CHD2: variants seen among roughly 807,000 people sequenced by gnomAD.
The protein encoded by CHD2 is chromodomain helicase DNA binding protein 2.
CHD2 carries 28 observed loss-of-function variants against 243.9 expected under a neutral mutation model. That is an observed-to-expected ratio of 0.11 (90% CI 0.09 to 0.16). The LOEUF (loss-of-function observed/expected upper bound fraction) is 0.16, where lower values mean the gene tolerates loss of function less well. Among genes scored for constraint, CHD2 ranks in the 10% least tolerant of loss-of-function variants. CHD2 has a pLI of 1.00. For synonymous variants in CHD2, 775 were observed against 779.0 expected, an observed-to-expected ratio of 0.99 and a Z score of 0.09; for missense variants, 1,386 against 2,209.8, an observed-to-expected ratio of 0.63 and a Z score of 7.47.
intron 2 of CHD2, among the ~76,000 whole-genome samples, chr15:92,917,647 G>C (rs1022633494): frequency 6.6e-6 from 1 of 152,234 alleles, no homozygotes; most frequent in African/African-American, 2.4e-5. Context: ...AAGTGACTGA[G>C]AAGGAATAGT....
At chr15:92,909,625 A>G (rs929264931) in intron 2 of CHD2, among the ~76,000 whole-genome samples, 13 of 152,088 alleles carry the variant, frequency 8.5e-5, no homozygotes, top group African/African-American at 3.1e-4. Context: ...CGGTGCTGCA[A>G]TCCCAGTCTC....
chr15:92,999,614 A>G (rs1158748341), intron 31 of CHD2, among the ~76,000 whole-genome samples: 4 of 152,120 alleles, frequency 2.6e-5, no homozygotes, highest in Admixed American at 1.3e-4. Flanking sequence ...ATTATAAGCA[A>G]AGCAAATTTG....
chr15:93,008,938 ACT>A (rs1950731614), intron 34 of CHD2, among the ~76,000 whole-genome samples: 1 of 151,862 alleles, frequency 6.6e-6, no homozygotes, highest in Non-Finnish European at 1.5e-5. Context: ...TTATCACATA[ACT>A]CTAAGCGATG....
intron 13 of CHD2, 115 bp from the exon 14 acceptor site, chr15:92,953,242 A>C: frequency 1.3e-6 from 1 of 755,042 alleles, no homozygotes; most frequent in Non-Finnish European, 2.2e-6. Flanking sequence ...AGGCTTATGA[A>C]TGACACCTTG....
At chr15:92,954,677 A>G (rs189653359) in intron 14 of CHD2, among the ~76,000 whole-genome samples, 6 of 152,368 alleles carry the variant, frequency 3.9e-5, no homozygotes, top group African/African-American at 1.4e-4. Context: ...GATTGCAAAC[A>G]AAGAAAATGA....
chr15:92,951,827 A>T (rs1360485807), intron 13 of CHD2, among the ~76,000 whole-genome samples: 2 of 152,186 alleles, frequency 1.3e-5, no homozygotes, highest in African/African-American at 2.4e-5. Flanking sequence ...TCCCTTTCCC[A>T]AGTGTGATCT....
intron 16 of CHD2, among the ~76,000 whole-genome samples, chr15:92,966,304 TC>T (rs1234542611): frequency 2.0e-5 from 3 of 152,012 alleles, no homozygotes; most frequent in African/African-American, 7.2e-5. Flanking sequence ...CCTCAGGTGA[TC>T]CGCCCGCCTC....
chr15:92,922,068 A>G (rs1289221275), intron 2 of CHD2, among the ~76,000 whole-genome samples: 1 of 152,344 alleles, frequency 6.6e-6, no homozygotes, highest in Non-Finnish European at 1.5e-5. Context: ...ACTTGTTACA[A>G]GGAAGCCTGT....
Position 92,997,208 on chromosome 15 carries a change from A to G in CHD2, c.3735-45A>G. 1 of 1,610,862 alleles carries G rather than the reference A, an allele frequency of 6.2e-7. No individual in the cohort carries two copies. The highest frequency in any genetic ancestry group is 8.5e-7 in the Non-Finnish European group (1 of 1,179,084). On this transcript the variant is annotated intron_variant, in intron 29 of 38. Transcript: ENST00000394196. The surrounding 1 kb of genome is among the most constrained non-coding windows in gnomAD (Gnocchi z 4.1). ...TACTGTCTCTTCTTTAACATACCAA[A>G]AAGGCCCCTCTTCTAATGTCTTCCT... is the stretch of plus-strand genomic sequence containing the variant.
At position 93,009,265 on chromosome 15, in the gene CHD2, C is replaced by T. The variant is rs755898320; in HGVS notation, c.4534C>T (p.Arg1512Trp). 114 of 1,614,058 alleles carry T rather than the reference C, an allele frequency of 7.1e-5. No homozygotes were observed. Among genetic ancestry groups the T allele is most frequent in the Non-Finnish European group, 8.9e-5 (105 of 1,180,032 alleles). ...GAACTGCCTGCTGAAAATCGGAGACCGGATAGCCGAGTGCCTTAAAGCCTA... is the reference window on the plus strand; with the variant it reads ...GAACTGCCTGCTGAAAATCGGAGACTGGATAGCCGAGTGCCTTAAAGCCTA... ...TRNCLLKIGD[R>W]IAECLKAYSD... Residue 1512 changes from arginine to tryptophan, a missense_variant, in exon 35 of 39, where the codon CGG becomes TGG. Coordinates refer to ENST00000394196, the MANE Select transcript of CHD2 (RefSeq NM_001271.4).
At chr15:93,001,443 T>C (rs1364066644) in intron 32 of CHD2, among the ~76,000 whole-genome samples, 1 of 152,196 alleles carries the variant, frequency 6.6e-6, no homozygotes, top group Admixed American at 6.5e-5. Flanking sequence ...ACTTGGATAT[T>C]AGCTCCAAGA....
chr15:92,932,698 T>G (rs1674625383), intron 5 of CHD2, among the ~76,000 whole-genome samples: 2 of 152,158 alleles, frequency 1.3e-5, no homozygotes, highest in Admixed American at 6.5e-5. Flanking sequence ...AATGCAGTCT[T>G]GCAAGGGACT....
chr15:92,924,564 G>T lies in CHD2; in HGVS notation c.294+12G>T. ...CTGATGTGAAGAAGGTATCTACTTT[G>T]CCCTGCAGTACAAATGTGCTGCTAG... On this transcript the variant is annotated intron_variant, in intron 3 of 38. Transcript: ENST00000394196. The T allele has an allele frequency of 1.2e-6, 2 of 1,610,320 alleles. No homozygotes were observed. The highest frequency in any genetic ancestry group is 2.2e-5 in the South Asian group (2 of 90,924).
chr15:92,943,086 G>T lies in CHD2; in HGVS notation c.1052+18G>T. The T allele has an allele frequency of 6.3e-7, 1 of 1,579,702 alleles. No homozygotes were observed. The stretch of plus-strand genomic sequence containing the variant: ...AAACAATGGTATATTTTCCATCATG[G>T]ATTAAAGAAATGTATTTGCAGCCTG... On this transcript the variant is annotated intron_variant, in intron 9 of 38. Transcript: ENST00000394196.
At chr15:92,905,174 C>T (rs936120064) in intron 2 of CHD2, among the ~76,000 whole-genome samples, 1 of 152,168 alleles carries the variant, frequency 6.6e-6, no homozygotes, top group African/African-American at 2.4e-5. Context: ...GTGTTAATAG[C>T]ACTTGCTAAT....
intron 33 of CHD2, among the ~76,000 whole-genome samples, chr15:93,003,255 C>T (rs2054279355): frequency 6.7e-6 from 1 of 149,892 alleles, no homozygotes; most frequent in Non-Finnish European, 1.5e-5. Flanking sequence ...ACACTTCACT[C>T]CAGCTTGGGC....
chr15:92,984,183 T>G, intron 24 of CHD2, 147 bp from the exon 25 acceptor site: 1 of 568,144 alleles, frequency 1.8e-6, no homozygotes, highest in Non-Finnish European at 2.7e-6. Context: ...AAGGAAAAAT[T>G]AATAGAAAAT....
intron 3 of CHD2, among the ~76,000 whole-genome samples, chr15:92,926,698 G>A (rs2053067756): frequency 6.6e-6 from 1 of 152,174 alleles, no homozygotes; most frequent in African/African-American, 2.4e-5. Context: ...TTAGAGAAAG[G>A]GTGGCAGTGG....
At chr15:92,905,103 C>T in intron 2 of CHD2, 7 of 1,068,040 alleles carry the variant, frequency 6.6e-6, no homozygotes, top group Non-Finnish European at 8.0e-6. Flanking sequence ...TAAAAAGTGG[C>T]AGAATACAGC....
Sources: allele counts gnomAD v4.1 joint callset (sites outside exome capture counted in the v4.1 genomes callset), GRCh38; gene constraint gnomAD v4.1.1; non-coding constraint Gnocchi (gnomAD v3.1); transcripts MANE v1.5; gene names NCBI Gene and HGNC (gene_info 2026-07-23, HGNC 2026-07-21).